The following HSD17B2 variants were observed in gnomAD, a reference collection of about 807,000 sequenced individuals.
HSD17B2 encodes hydroxysteroid 17-beta dehydrogenase 2.
In HSD17B2, 32 loss-of-function variants were observed where a neutral mutation model predicts 26.9. The observed-to-expected ratio is 1.19, with a 90% CI of 0.90 to 1.60. HSD17B2 has a LOEUF of 1.60. HSD17B2 is among the 40% of genes most tolerant of loss of function. The pLI, the probability that HSD17B2 is intolerant of heterozygous loss-of-function variation, is 0.00. For missense variants in HSD17B2, 613 were observed against 468.6 expected (o/e 1.31, Z -2.85); for synonymous variants, 246 against 186.7 (o/e 1.32, Z -2.59).
intron 1 of HSD17B2, among the ~76,000 whole-genome samples, chr16:82,036,705 C>G (rs984409616): frequency 6.6e-6 from 1 of 152,014 alleles, no homozygotes; most frequent in Non-Finnish European, 1.5e-5. Context: ...TGGGGTTAGA[C>G]AAGCCACAGA....
At chr16:82,073,093 C>A (rs141205741) in intron 3 of HSD17B2, among the ~76,000 whole-genome samples, 287 of 152,182 alleles carry the variant, frequency 1.9e-3, no homozygotes, top group African/African-American at 6.7e-3. Context: ...GCATAACCTT[C>A]CACATATCTT....
chr16:82,068,048 C>G (rs779371484), intron 1 of HSD17B2, 122 bp from the exon 2 acceptor site: 44 of 848,616 alleles, frequency 5.2e-5, no homozygotes, highest in Middle Eastern at 3.3e-4. Context: ...GAAACTTCCT[C>G]AGGAACCCCT....
chr16:82,051,963 C>T (rs1020996500), intron 1 of HSD17B2, among the ~76,000 whole-genome samples: 3 of 152,204 alleles, frequency 2.0e-5, no homozygotes, highest in South Asian at 2.1e-4. Flanking sequence ...GCCCTTGGCA[C>T]CTGGTGCAGG....
At chr16:82,097,973 C>G (rs2955160) in intron 4 of HSD17B2, 102 bp from the exon 5 acceptor site, 961,384 of 1,057,096 alleles carry the variant, frequency 0.91, 442,650 homozygotes, top group Non-Finnish European at 0.95. Flanking sequence ...AATAAATAAA[C>G]GTCATTTGCA....
intron 3 of HSD17B2, among the ~76,000 whole-genome samples, chr16:82,082,815 C>G (rs551463962): frequency 1.3e-5 from 2 of 152,128 alleles, no homozygotes; most frequent in African/African-American, 2.4e-5. Flanking sequence ...GTTGAATGCT[C>G]TCAGGTATAT....
At chr16:82,049,668 C>G (rs558846529) in intron 1 of HSD17B2, among the ~76,000 whole-genome samples, 2 of 152,194 alleles carry the variant, frequency 1.3e-5, no homozygotes, top group African/African-American at 4.8e-5. Flanking sequence ...TTCCCATAAA[C>G]AAGAGAGTCT....
intron 3 of HSD17B2, among the ~76,000 whole-genome samples, chr16:82,079,566 G>C (rs1904328718): frequency 6.6e-6 from 1 of 152,112 alleles, no homozygotes; most frequent in Non-Finnish European, 1.5e-5. Flanking sequence ...CAAGATACTG[G>C]AGGTTAGTAC....
intron 3 of HSD17B2, among the ~76,000 whole-genome samples, chr16:82,080,083 C>G (rs1389221531): frequency 6.6e-6 from 1 of 152,164 alleles, no homozygotes; most frequent in Non-Finnish European, 1.5e-5. Flanking sequence ...TATCATGGAA[C>G]TTTGCACCAG....
chr16:82,094,574 C>G, intron 4 of HSD17B2: 1 of 152,110 alleles, frequency 6.6e-6, no homozygotes. Flanking sequence ...CAGTTTAAAG[C>G]TATTTGATGA....
chr16:82,048,575 T>G (rs1914008092), intron 1 of HSD17B2, among the ~76,000 whole-genome samples: 1 of 152,130 alleles, frequency 6.6e-6, no homozygotes, highest in African/African-American at 2.4e-5. Context: ...GGGAGTGATT[T>G]GGAGACCCAG....
At chr16:82,061,576 A>G (rs1179819388) in intron 1 of HSD17B2, among the ~76,000 whole-genome samples, 1 of 152,222 alleles carries the variant, frequency 6.6e-6, no homozygotes, top group Non-Finnish European at 1.5e-5. Flanking sequence ...ATGAAAAATT[A>G]TGGCTTTGAA....
chr16:82,042,485 T>A, intron 1 of HSD17B2, among the ~76,000 whole-genome samples: 1 of 152,374 alleles, frequency 6.6e-6, no homozygotes, highest in South Asian at 2.1e-4. Context: ...CTGCTTCCTA[T>A]TTCCAGTCAA....
intron 2 of HSD17B2, among the ~76,000 whole-genome samples, 195 bp downstream of exon 2, chr16:82,068,577 T>C (rs775175177): frequency 4.6e-5 from 7 of 152,132 alleles, no homozygotes; most frequent in Non-Finnish European, 1.0e-4. Context: ...CATGGGCCCA[T>C]CCACACAGAA....
chr16:82,055,997 C>G (rs1259627271), intron 1 of HSD17B2, among the ~76,000 whole-genome samples: 2 of 152,106 alleles, frequency 1.3e-5, no homozygotes, highest in Non-Finnish European at 2.9e-5. Context: ...AGAACTAGGT[C>G]AATGGTGGTA....
intron 1 of HSD17B2, among the ~76,000 whole-genome samples, chr16:82,050,388 G>A (rs1323204563): frequency 6.6e-6 from 1 of 151,564 alleles, no homozygotes; most frequent in African/African-American, 2.4e-5. Context: ...CTTTCCAACT[G>A]CACCTAGATA....
intron 1 of HSD17B2, among the ~76,000 whole-genome samples, chr16:82,064,831 T>A (rs1015137314): frequency 6.6e-6 from 1 of 152,208 alleles, no homozygotes; most frequent in Admixed American, 6.5e-5. Flanking sequence ...GCTTTGCCTC[T>A]TGTTACTCTT....
chr16:82,080,490 G>C (rs1040762357), intron 3 of HSD17B2, among the ~76,000 whole-genome samples: 3 of 152,294 alleles, frequency 2.0e-5, no homozygotes, highest in Non-Finnish European at 4.4e-5. Flanking sequence ...GCTTCTAGAA[G>C]CTGGAAAAGT....
At chr16:82,092,292 G>C (rs935184620) in intron 4 of HSD17B2, 5 of 152,168 alleles carry the variant, frequency 3.3e-5, no homozygotes, top group Admixed American at 2.0e-4. Context: ...AAGAGGAGAA[G>C]GCCCTTCTCT....
Position 82,090,299 on chromosome 16 carries a change from ATTGTT to A in HSD17B2, c.665-600_665-596del, listed in dbSNP as rs1904647300. 6.3e-5 allele frequency: 4 copies of A among 63,382 alleles called. No individual in the cohort carries two copies. The East Asian group carries it at 1.3e-3, about 20-fold the overall frequency. The allele number at this position is 63,382 out of a possible 1,614,324, so 3.9% of individuals were successfully genotyped here. On this transcript the variant is annotated intron_variant, in intron 3 of 4. Transcript: ENST00000199936. ...GTGCTCTTCATCTTACCTAAACTAC[ATTGTT>A]TTTTTTTTTTTTTTTTTTTTTTTTT... is the stretch of plus-strand genomic sequence containing the variant.
Sources: gnomAD v4.1 joint callset for allele counts (sites outside exome capture counted in the v4.1 genomes callset) on GRCh38, gnomAD v4.1.1 for gene constraint, MANE v1.5 for transcripts, NCBI Gene and HGNC (gene_info 2026-07-23, HGNC 2026-07-21) for gene names.